Variants in FREM3 observed in about 807,000 individuals in gnomAD.
FREM3 encodes the protein FRAS1 related extracellular matrix 3.
FREM3 carries 105 observed loss-of-function variants against 129.1 expected under a neutral mutation model. The observed-to-expected ratio is 0.81, with a 90% CI of 0.69 to 0.96. The LOEUF is 0.96. Ranked by LOEUF, FREM3 falls within the 40% of genes least tolerant of loss-of-function variation. FREM3 has a pLI of 0.00. For missense variants in FREM3, 2,593 were observed against 2,666.3 expected (o/e 0.97, Z 0.61); for synonymous variants, 1,014 against 1,044.9 (o/e 0.97, Z 0.57).
chr4:143,579,063 A>C (rs527262595), intron 7 of FREM3, among the ~76,000 whole-genome samples: 1 of 133,432 alleles, frequency 7.5e-6, no homozygotes, highest in Admixed American at 7.2e-5. Flanking sequence ...AAGAGTTGAC[A>C]AAAAAAAAAA....
At chr4:143,654,553 C>A (rs573375208) in intron 2 of FREM3, among the ~76,000 whole-genome samples, 15 of 152,276 alleles carry the variant, frequency 9.9e-5, no homozygotes, top group Non-Finnish European at 2.1e-4. Flanking sequence ...AAAGATTCAC[C>A]AAATTCTCCG....
chr4:143,661,691 A>G (rs958327993), intron 2 of FREM3, among the ~76,000 whole-genome samples: 6 of 152,220 alleles, frequency 3.9e-5, no homozygotes, highest in African/African-American at 1.4e-4. Context: ...TACCTCTGGT[A>G]GAATTCGGCT....
intron 2 of FREM3, among the ~76,000 whole-genome samples, chr4:143,657,711 C>T (rs1352864240): frequency 1.3e-5 from 2 of 152,094 alleles, no homozygotes; most frequent in Non-Finnish European, 2.9e-5. Context: ...CAGGAATTAG[C>T]ATCTCTATTT....
chr4:143,667,761 G>A (rs1209627006), intron 2 of FREM3, among the ~76,000 whole-genome samples: 1 of 152,190 alleles, frequency 6.6e-6, no homozygotes, highest in East Asian at 1.9e-4. Context: ...TAAAGAGGAT[G>A]TCTAGCTCCT....
At position 143,586,073 on chromosome 4, in the gene FREM3, G is replaced by T. The variant is rs551937735; in HGVS notation, c.6029-80C>A. The T allele has an allele frequency of 2.2e-6, 3 of 1,372,530 alleles. No homozygotes were observed. The South Asian group carries it at 4.0e-5, about 18-fold the overall frequency. 85.0% of individuals were successfully genotyped at this position (1,372,530 alleles called of 1,614,324 possible). A position where few individuals can be genotyped will look rare whatever the true frequency, so the allele number is the denominator to read the frequency against. ...TCTCCTTTGGCCCTGTGTGAGCCTG[G>T]GCATTTGTCATAATTGTCAGACATG... is the stretch of plus-strand genomic sequence containing the variant. On this transcript the variant is annotated intron_variant, in intron 6 of 7. Transcript: ENST00000329798.
intron 2 of FREM3, among the ~76,000 whole-genome samples, chr4:143,650,683 C>T (rs566008550): frequency 2.0e-4 from 31 of 152,148 alleles, no homozygotes; most frequent in Non-Finnish European, 3.7e-4. Flanking sequence ...GTAGAAACGA[C>T]ATCTTTCCAT....
rs116096489 is a variant in FREM3, at chr4:143,700,104, C to G, written c.572G>C (p.Arg191Thr). 1.4e-3 allele frequency: 2,120 copies of G among 1,536,986 alleles called. 28 individuals are homozygous for G. In the African/African-American group the frequency reaches 0.025, roughly 18 times the overall value. The change falls in exon 1 of 8, where the codon AGA becomes ACA. Residue 191 changes from arginine to threonine, a missense_variant. Around this residue, in one of 2 missense-constraint regions of FREM3, gnomAD observed 2,276 missense variants for 2,267.2 expected, o/e 1.00. Coordinates refer to ENST00000329798, the MANE Select transcript of FREM3 (RefSeq NM_001168235.2). ...CTTCAGGGAGGCGAAGTCCAGCACT[C>G]TCCTGTCTATGGCGCGGCTCCAGCT... ...LRSWSRAIDR[R>T]VLDFASLKSG...
intron 2 of FREM3, among the ~76,000 whole-genome samples, chr4:143,653,059 C>T (rs1172204635): frequency 1.3e-5 from 2 of 152,138 alleles, no homozygotes; most frequent in African/African-American, 4.8e-5. Context: ...CTCTAAAAGG[C>T]ATAAAGGAGC....
rs961215951 is a variant in FREM3 at position 143,697,220 on chromosome 4, T to C, written c.3456A>G (p.Val1152=). Residue 1152 remains valine, a synonymous_variant, in exon 1 of 8, where the codon GTA becomes GTG. Transcript: ENST00000329798. ...RDIQVRHINY[V]QSIHKGVEPQ... ...GCTCTACTCCCTTGTGAATACTCTG[T>C]ACATAATTGATATGCCTCACTTGGA... 8 of 1,537,746 alleles carry C rather than the reference T, an allele frequency of 5.2e-6. No individual in the cohort carries two copies. The highest frequency in any genetic ancestry group is 2.0e-5 in the Admixed American group (1 of 51,008).
rs77806508 is a variant in FREM3 at position 143,608,237 on chromosome 4, A to C, written c.6028+3042T>G. On this transcript the variant is annotated intron_variant, in intron 6 of 7. Coordinates refer to ENST00000329798, the MANE Select transcript of FREM3 (RefSeq NM_001168235.2). ...TGGGGTCCATTATTCAGCCTACGTT[A>C]ATGACCAAAGGACTTGAATGTCTGC... is the stretch of plus-strand genomic sequence containing the variant. Among the ~76,000 whole-genome samples the C allele has an allele frequency of 3.5e-3, 527 of 152,298 alleles. 5 individuals are homozygous for C. Among genetic ancestry groups the C allele is most frequent in the African/African-American group, 0.012 (516 of 41,552 alleles).
chr4:143,577,773 G>C lies in FREM3; in HGVS notation c.6258C>G (p.Ile2086Met). 1 of 1,537,316 alleles carries C rather than the reference G, an allele frequency of 6.5e-7. No individual in the cohort carries two copies. The highest frequency in any genetic ancestry group is 8.7e-7 in the Non-Finnish European group (1 of 1,146,942). The change falls in exon 8 of 8, where the codon ATC (isoleucine) becomes ATG (methionine). Residue 2086 changes from isoleucine (I) to methionine (M), a missense_variant. Coordinates refer to ENST00000329798, the MANE Select transcript of FREM3 (RefSeq NM_001168235.2). ...AGGTAGGCTGTCCCAGGTCATCAAG[G>C]ATGGTCACTTGGAATGTCTGCATGC... Reference protein sequence around the residue: ...GVRMQTFQVTILDDLGQPTLE... With the variant: ...GVRMQTFQVTMLDDLGQPTLE...
intron 6 of FREM3, among the ~76,000 whole-genome samples, chr4:143,596,601 T>A (rs1259880692): frequency 6.6e-6 from 1 of 152,118 alleles, no homozygotes; most frequent in Non-Finnish European, 1.5e-5. Flanking sequence ...GTGGTGCATT[T>A]AAGTAGATAT....
At chr4:143,639,960 T>C (rs1325446346) in intron 2 of FREM3, among the ~76,000 whole-genome samples, 1 of 152,168 alleles carries the variant, frequency 6.6e-6, no homozygotes, top group Non-Finnish European at 1.5e-5. Context: ...CTGGATCCTT[T>C]CTACCTCTCC....
chr4:143,628,756 G>T (rs774450154), intron 2 of FREM3, among the ~76,000 whole-genome samples: 35 of 152,088 alleles, frequency 2.3e-4, no homozygotes, highest in Non-Finnish European at 4.6e-4. Flanking sequence ...TATGAGATGG[G>T]GCTACAGCCT....
intron 6 of FREM3, among the ~76,000 whole-genome samples, chr4:143,593,320 A>G (rs1000366994): frequency 6.6e-6 from 1 of 151,988 alleles, no homozygotes; most frequent in Non-Finnish European, 1.5e-5. Context: ...TCTGATTTTT[A>G]GAGTTTCTGG....
chr4:143,617,528 G>A (rs551211633), intron 5 of FREM3, among the ~76,000 whole-genome samples: 82 of 152,300 alleles, frequency 5.4e-4, no homozygotes, highest in African/African-American at 1.9e-3. Flanking sequence ...ACAAACCTTT[G>A]TAATGCATCT....
At chr4:143,678,399 G>T (rs1740187690) in intron 2 of FREM3, among the ~76,000 whole-genome samples, 1 of 152,116 alleles carries the variant, frequency 6.6e-6, no homozygotes, top group Non-Finnish European at 1.5e-5. Context: ...TGTTGGTTGG[G>T]GGGATGGGGG....
chr4:143,591,061 A>G (rs1738351276), intron 6 of FREM3, among the ~76,000 whole-genome samples: 1 of 152,094 alleles, frequency 6.6e-6, no homozygotes, highest in Admixed American at 6.5e-5. Flanking sequence ...GGTAGCTTTT[A>G]TTTCTGTGGG....
chr4:143,630,955 A>G (rs1739127692), intron 2 of FREM3, among the ~76,000 whole-genome samples: 1 of 152,170 alleles, frequency 6.6e-6, no homozygotes, highest in Non-Finnish European at 1.5e-5. Context: ...CAGTGGCTAA[A>G]ATGCAGTAAG....
Sources: gnomAD v4.1 joint callset for allele counts (sites outside exome capture counted in the v4.1 genomes callset) on GRCh38, gnomAD v4.1.1 for gene constraint, gnomAD v4.1.1 regional missense constraint, MANE v1.5 for transcripts, NCBI Gene and HGNC (gene_info 2026-07-23, HGNC 2026-07-21) for gene names.